The following HIPK2 variants were observed in gnomAD, a reference collection of about 807,000 sequenced individuals.
HIPK2 encodes the protein homeodomain interacting protein kinase 2.
HIPK2 carries 27 observed loss-of-function variants against 113.7 expected under a neutral mutation model. The ratio of observed to expected loss-of-function variants is 0.24; its 90% CI spans 0.17 to 0.33. The LOEUF (loss-of-function observed/expected upper bound fraction) is 0.33, where lower values mean the gene tolerates loss of function less well. HIPK2 is among the 10% of genes least tolerant of loss of function. The probability of loss-of-function intolerance (pLI) is 1.00; values close to 1 mark genes in which losing one functional copy is unlikely to be tolerated. For missense variants in HIPK2, 1,257 were observed against 1,588.0 expected (o/e 0.79, Z 3.54); for synonymous variants, 631 against 642.2 (o/e 0.98, Z 0.26).
At chr7:139,663,497 A>G (rs1379865177) in intron 2 of HIPK2, among the ~76,000 whole-genome samples, 2 of 152,124 alleles carry the variant, frequency 1.3e-5, no homozygotes, top group African/African-American at 4.8e-5. Context: ...TCAGAAACAA[A>G]AAAGAGCACC....
intron 14 of HIPK2, 56 bp from the exon 15 acceptor site, chr7:139,573,453 A>C (rs936859813): frequency 2.6e-6 from 4 of 1,535,304 alleles, no homozygotes; most frequent in Non-Finnish European, 3.5e-6. Context: ...GGGAGGAAGG[A>C]ATGGGAGGAG....
chr7:139,582,425 G>A (rs570301895), intron 13 of HIPK2, among the ~76,000 whole-genome samples: 1 of 152,322 alleles, frequency 6.6e-6, no homozygotes, highest in South Asian at 2.1e-4. Flanking sequence ...TAGGCACCAC[G>A]ACCCCCTGCC....
intron 13 of HIPK2, among the ~76,000 whole-genome samples, chr7:139,579,423 C>T (rs1048531669): frequency 6.6e-6 from 1 of 152,144 alleles, no homozygotes; most frequent in Admixed American, 6.5e-5. Context: ...TCTGGTCATT[C>T]TTGGGGCAGA....
At chr7:139,725,091 C>T (rs753700963) in intron 1 of HIPK2, among the ~76,000 whole-genome samples, 4 of 152,110 alleles carry the variant, frequency 2.6e-5, no homozygotes, top group Admixed American at 1.3e-4. Context: ...TAGGGTTGAG[C>T]ACAACAGGAA....
chr7:139,660,892 G>A (rs1029977603), intron 2 of HIPK2, among the ~76,000 whole-genome samples: 1 of 152,130 alleles, frequency 6.6e-6, no homozygotes, highest in Non-Finnish European at 1.5e-5. Flanking sequence ...GGGGAGCTAC[G>A]CACCATTAAC....
At chr7:139,684,962 C>T (rs2116734753) in intron 2 of HIPK2, among the ~76,000 whole-genome samples, 1 of 152,250 alleles carries the variant, frequency 6.6e-6, no homozygotes, top group South Asian at 2.1e-4. Context: ...ATCCCTAACT[C>T]TTCAATTCTG....
At chr7:139,742,932 G>A (rs952684618) in intron 1 of HIPK2, among the ~76,000 whole-genome samples, 6 of 152,158 alleles carry the variant, frequency 3.9e-5, no homozygotes, top group South Asian at 2.1e-4. Context: ...AATCAATAAC[G>A]TCTGTCCAGG....
Position 139,683,001 on chromosome 7 carries a change from G to C in HIPK2, c.1103+32931C>G, listed in dbSNP as rs1173106413. On this transcript the variant is annotated intron_variant, in intron 2 of 14. Transcript: ENST00000406875. This position sits in a 1 kb window ranked among gnomAD's most constrained non-coding sequence, Gnocchi z 4.2. ...TTTCTGGGAAATGACAGAGCAGCAA[G>C]AACCAGACTTTCTGGTGGGAGAGAA... is the stretch of plus-strand genomic sequence containing the variant. 6.6e-6 allele frequency among the ~76,000 whole-genome samples: 1 copy of C among 152,216 alleles called. No individual in the cohort carries two copies. The highest frequency in any genetic ancestry group is 2.4e-5 in the African/African-American group (1 of 41,448).
Position 139,604,190 on chromosome 7 carries a change from G to T in HIPK2, c.2146C>A (p.Leu716Ile), listed in dbSNP as rs905506394. 3 of 1,613,552 alleles carry T rather than the reference G, an allele frequency of 1.9e-6. No individual in the cohort carries two copies. In the African/African-American group the frequency reaches 4.0e-5, roughly 22 times the overall value. Residue 716 changes from leucine to isoleucine, a missense_variant, in exon 10 of 15, where the codon CTT becomes ATT. Physicochemically the swap from Leu to Ile is conservative, Grantham distance 5. Around this residue, in one of 5 missense-constraint regions of HIPK2, gnomAD observed 862 missense variants for 1,004.3 expected, o/e 0.86. Transcript: ENST00000406875. Reference sequence around the variant, plus strand: ...GTCAGTTGCTGCCATGCTGGGGGAAGCAGGATCTGCTGGGTCCCACTTGGC... The same window carrying T: ...GTCAGTTGCTGCCATGCTGGGGGAATCAGGATCTGCTGGGTCCCACTTGGC... ...AWPSGTQQIL[L>I]PPAWQQLTGV...
Position 139,572,189 on chromosome 7 carries a change from T to C in HIPK2, c.*738A>G, listed in dbSNP as rs926951194. On this transcript the variant is annotated 3_prime_UTR_variant, in exon 15 of 15. Coordinates refer to ENST00000406875, the MANE Select transcript of HIPK2 (RefSeq NM_022740.5). ...AGAAACAACGTTGCTTAGGGATTTA[T>C]CCAGAGTGCTCAGAAAAAGAAAACT... 2.6e-5 allele frequency: 4 copies of C among 152,234 alleles called. No individual in the cohort carries two copies. The highest frequency in any genetic ancestry group is 9.6e-5 in the African/African-American group (4 of 41,474). 9.4% of individuals were successfully genotyped at this position (152,234 alleles called of 1,614,324 possible). A position where few individuals can be genotyped will look rare whatever the true frequency, so the allele number is the denominator to read the frequency against.
intron 2 of HIPK2, among the ~76,000 whole-genome samples, chr7:139,694,774 C>T (rs1490297204): frequency 2.0e-5 from 3 of 152,152 alleles, no homozygotes; most frequent in African/African-American, 7.2e-5. Flanking sequence ...CTGGAAGGTG[C>T]AGAGTGAATG....
chr7:139,602,106 C>T (rs371272450), intron 10 of HIPK2, among the ~76,000 whole-genome samples: 91 of 152,162 alleles, frequency 6.0e-4, no homozygotes, highest in African/African-American at 2.2e-3. Flanking sequence ...GCGTGCACTG[C>T]CACGCCCAGC....
chr7:139,718,937 T>C (rs1795325046), intron 1 of HIPK2, among the ~76,000 whole-genome samples: 1 of 152,190 alleles, frequency 6.6e-6, no homozygotes, highest in Non-Finnish European at 1.5e-5. Context: ...TAGGCTCCTG[T>C]TCTTGAAGGT....
intron 2 of HIPK2, among the ~76,000 whole-genome samples, chr7:139,672,834 G>T: frequency 6.6e-6 from 1 of 152,084 alleles, no homozygotes; most frequent in African/African-American, 2.4e-5. Flanking sequence ...TTTAATCATC[G>T]CAGGTTGTCT....
intron 2 of HIPK2, among the ~76,000 whole-genome samples, chr7:139,641,491 A>G (rs917070312): frequency 6.6e-6 from 1 of 152,170 alleles, no homozygotes; most frequent in African/African-American, 2.4e-5. Flanking sequence ...TGCTGGGTAC[A>G]TGCAGTACAC....
At chr7:139,575,325 G>T in intron 13 of HIPK2, 37 bp from the exon 14 acceptor site, 1 of 1,533,244 alleles carries the variant, frequency 6.5e-7, no homozygotes, top group African/African-American at 1.4e-5. Context: ...ATCAGTGGCA[G>T]GGTCCCAGCT....
intron 2 of HIPK2, among the ~76,000 whole-genome samples, chr7:139,677,120 C>CA (rs551696637): frequency 1.3e-5 from 2 of 152,066 alleles, no homozygotes; most frequent in South Asian, 4.2e-4. Flanking sequence ...CTCGGCCTTC[C>CA]AAAGTGCTGG....
At chr7:139,732,224 AGCTGGTACAGGGATCCCTTG>A (rs1795809991) in intron 1 of HIPK2, among the ~76,000 whole-genome samples, 1 of 152,250 alleles carries the variant, frequency 6.6e-6, no homozygotes, top group Admixed American at 6.5e-5. Flanking sequence ...TATGAAAATC[AGCTGGTACAGGGATCCCTTG>A]GCAGGGCAAC....
rs866984851 is a variant in HIPK2, at chr7:139,573,372, C to A, written c.3152G>T (p.Arg1051Leu). 1.2e-6 allele frequency: 2 copies of A among 1,603,954 alleles called. No homozygotes were observed. The highest frequency in any genetic ancestry group is 1.1e-5 in the South Asian group (1 of 91,022). ...CTGCTGCCTTCGGTGGCTCCCAGTG[C>A]GGTCCGTGGTGATGTGCTGCTGAGC... is the stretch of plus-strand genomic sequence containing the variant. ...SQAQQHITTD[R>L]TGSHRRQQAY... is the part of the protein sequence containing the mutation. The change falls in exon 15 of 15, where the codon CGC (arginine) becomes CTC (leucine). Residue 1051 changes from arginine (R) to leucine (L), a missense_variant. Transcript: ENST00000406875.
Sources: gnomAD v4.1 joint callset for allele counts (sites outside exome capture counted in the v4.1 genomes callset) on GRCh38, gnomAD v4.1.1 for gene constraint, gnomAD v4.1.1 regional missense constraint, Gnocchi (gnomAD v3.1) non-coding constraint, MANE v1.5 for transcripts, NCBI Gene and HGNC (gene_info 2026-07-23, HGNC 2026-07-21) for gene names.